SH3BGRL: variants seen among roughly 807,000 people sequenced by gnomAD.
The protein encoded by SH3BGRL is SH3 domain binding glutamate rich protein like.
A neutral mutation model predicts 9.8 loss-of-function variants in SH3BGRL; 7 were observed. The observed-to-expected ratio is 0.72, with a 90% confidence interval of 0.41 to 1.35. The LOEUF (loss-of-function observed/expected upper bound fraction) is 1.35, where lower values mean the gene tolerates loss of function less well. Among genes scored for constraint, SH3BGRL ranks in the 40% most tolerant of loss-of-function variants. SH3BGRL has a pLI of 0.01. For synonymous variants in SH3BGRL, 36 were observed against 29.1 expected, an observed-to-expected ratio of 1.24 and a Z score of -0.76; for missense variants, 73 against 84.4, an observed-to-expected ratio of 0.86 and a Z score of 0.53.
intron 1 of SH3BGRL, among the ~76,000 whole-genome samples, chrX:81,239,451 A>C (rs1006495714): frequency 1.8e-5 from 2 of 112,382 alleles, no homozygotes; most frequent in African/African-American, 6.5e-5. Context: ...TAGTGGTCTT[A>C]ATAACTGGCT....
intron 1 of SH3BGRL, among the ~76,000 whole-genome samples, chrX:81,266,687 G>A (rs146485569): frequency 0.017 from 1,909 of 111,564 alleles, 49 homozygotes; most frequent in African/African-American, 0.059. Context: ...TTGGCTATGC[G>A]GGCTGTTTTT....
rs745997460 is a variant in SH3BGRL at position 81,280,409 on chromosome X, G to A, written c.312+1998G>A. On this transcript the variant is annotated intron_variant, in intron 3 of 3. Transcript: ENST00000373212. ...AACCACCAAAGCTTAGGACCCTCAC[G>A]GAGTCCATTGCACCCTCCACCTCCT... 5.4e-5 allele frequency among the ~76,000 whole-genome samples: 6 copies of A among 111,592 alleles called. No homozygotes were observed. The South Asian group carries it at 2.3e-3, about 42-fold the overall frequency.
At chrX:81,292,185 C>T (rs1284554288) in intron 3 of SH3BGRL, among the ~76,000 whole-genome samples, 1 of 112,214 alleles carries the variant, frequency 8.9e-6, no homozygotes, top group Admixed American at 9.4e-5. Flanking sequence ...CATGAGGGCT[C>T]CATGCTTGCA....
At chrX:81,255,368 G>A (rs919671617) in intron 1 of SH3BGRL, 1 of 111,681 alleles carries the variant, frequency 9.0e-6, no homozygotes, top group East Asian at 2.8e-4. Flanking sequence ...AGTTAATAAA[G>A]CATGCTATTT....
chrX:81,264,930 G>A (rs778514473), intron 1 of SH3BGRL, among the ~76,000 whole-genome samples: 1 of 109,659 alleles, frequency 9.1e-6, no homozygotes, highest in Non-Finnish European at 1.9e-5. Context: ...AGATAAAAAA[G>A]AAGTGGATAA....
rs200558540 is a variant in SH3BGRL, at chrX:81,263,833, T to G, written c.46-13151T>G. ...TGATGCCTTTGCACTTTCTTGTCTGTTTTTTTTGTAAATTTGAAGTACAGA... is the reference window on the plus strand; with the variant it reads ...TGATGCCTTTGCACTTTCTTGTCTGGTTTTTTTGTAAATTTGAAGTACAGA... On this transcript the variant is annotated intron_variant, in intron 1 of 3. Coordinates refer to ENST00000373212, the MANE Select transcript of SH3BGRL (RefSeq NM_003022.3). Among the ~76,000 whole-genome samples, 5 of 110,397 alleles carry G rather than the reference T, an allele frequency of 4.5e-5. No homozygotes were observed. In the East Asian group the frequency reaches 1.4e-3, roughly 31 times the overall value.
At chrX:81,271,705 A>T (rs1048819818) in intron 1 of SH3BGRL, among the ~76,000 whole-genome samples, 5 of 111,591 alleles carry the variant, frequency 4.5e-5, no homozygotes, top group African/African-American at 1.6e-4. Context: ...TCCCCAATCT[A>T]GCAAGACAGG....
At chrX:81,247,949 GT>G (rs199748209) in intron 1 of SH3BGRL, among the ~76,000 whole-genome samples, 9 of 103,166 alleles carry the variant, frequency 8.7e-5, no homozygotes, top group East Asian at 3.1e-4. Flanking sequence ...TTGGTTGGAA[GT>G]TTTTTTTTTT....
intron 3 of SH3BGRL, among the ~76,000 whole-genome samples, chrX:81,289,533 A>T (rs911641171): frequency 9.1e-6 from 1 of 109,334 alleles, no homozygotes; most frequent in Non-Finnish European, 1.9e-5. Context: ...CTGACAGGGG[A>T]TCGGTAACGA....
At chrX:81,295,107 CTG>C (rs1188277775) in intron 3 of SH3BGRL, among the ~76,000 whole-genome samples, 1 of 111,770 alleles carries the variant, frequency 8.9e-6, no homozygotes, top group African/African-American at 3.3e-5. Context: ...AGACTTCAGA[CTG>C]TGGATTTTTG....
intron 1 of SH3BGRL, among the ~76,000 whole-genome samples, chrX:81,245,080 T>C (rs961897476): frequency 6.2e-5 from 7 of 112,094 alleles, no homozygotes; most frequent in Non-Finnish European, 1.3e-4. Flanking sequence ...CAGGCTTGGA[T>C]TGAAAGATGA....
intron 3 of SH3BGRL, among the ~76,000 whole-genome samples, chrX:81,293,016 C>A (rs776611109): frequency 2.7e-5 from 3 of 112,159 alleles, no homozygotes; most frequent in African/African-American, 9.7e-5. Context: ...TGTCTGCATC[C>A]AAATCTCATC....
chrX:81,259,773 G>T (rs912121219), intron 1 of SH3BGRL, among the ~76,000 whole-genome samples: 1 of 111,658 alleles, frequency 9.0e-6, no homozygotes, highest in Admixed American at 9.5e-5. Context: ...GCCACCTATG[G>T]TCAGAAGCCA....
chrX:81,231,972 AC>A lies in SH3BGRL; in HGVS notation c.45+29728del, dbSNP rs1246513611. On this transcript the variant is annotated intron_variant, in intron 1 of 3. Coordinates refer to ENST00000373212, the MANE Select transcript of SH3BGRL (RefSeq NM_003022.3). The stretch of plus-strand genomic sequence containing the variant: ...TATGTGTTTCTCTCTATATATATAC[AC>A]ACACACGTATATGTATATGTTTGTA... Among the ~76,000 whole-genome samples, 3 of 111,169 alleles carry A rather than the reference AC, an allele frequency of 2.7e-5. No homozygotes were observed. In the Admixed American group the frequency reaches 2.9e-4, roughly 11 times the overall value.
chrX:81,274,537 A>G (rs1337558578), intron 1 of SH3BGRL, among the ~76,000 whole-genome samples: 1 of 109,666 alleles, frequency 9.1e-6, no homozygotes, highest in Non-Finnish European at 1.9e-5. Context: ...ACTTGAAGTG[A>G]GCTGAGATCA....
chrX:81,291,043 A>G (rs757743768), intron 3 of SH3BGRL, among the ~76,000 whole-genome samples: 4 of 111,861 alleles, frequency 3.6e-5, no homozygotes, highest in Non-Finnish European at 7.5e-5. Context: ...ATGTGTAGAA[A>G]TTCTTGAAAG....
chrX:81,295,834 C>A (rs2075872542), intron 3 of SH3BGRL, among the ~76,000 whole-genome samples: 1 of 111,331 alleles, frequency 9.0e-6, no homozygotes. Flanking sequence ...AACAATTTAA[C>A]AAGTCTCTAG....
At chrX:81,291,445 C>T (rs1375033385) in intron 3 of SH3BGRL, among the ~76,000 whole-genome samples, 1 of 111,066 alleles carries the variant, frequency 9.0e-6, no homozygotes, top group Non-Finnish European at 1.9e-5. Flanking sequence ...AGAAACCACC[C>T]CCCATGATCC....
intron 1 of SH3BGRL, among the ~76,000 whole-genome samples, chrX:81,233,309 C>T (rs892900770): frequency 8.0e-5 from 9 of 112,057 alleles, no homozygotes; most frequent in African/African-American, 1.9e-4. Flanking sequence ...GCTTTGCATA[C>T]GTAGAGCTTT....
Sources: gnomAD v4.1 joint callset for allele counts (sites outside exome capture counted in the v4.1 genomes callset) on GRCh38, gnomAD v4.1.1 for gene constraint, MANE v1.5 for transcripts, NCBI Gene and HGNC (gene_info 2026-07-23, HGNC 2026-07-21) for gene names.